The following EXOC4 variants were observed in gnomAD, a reference collection of about 807,000 sequenced individuals.
The protein encoded by EXOC4 is exocyst complex component 4.
A neutral mutation model predicts 107.2 loss-of-function variants in EXOC4; 71 were observed. The ratio of observed to expected loss-of-function variants is 0.66; its 90% CI spans 0.55 to 0.81. The LOEUF is 0.81. EXOC4 is among the 30% of genes least tolerant of loss of function. EXOC4 has a pLI of 0.00. For synonymous variants in EXOC4, 456 were observed against 441.2 expected (o/e 1.03, Z -0.42); for missense variants, 1,108 against 1,189.6 (o/e 0.93, Z 1.01).
intron 7 of EXOC4, among the ~76,000 whole-genome samples, chr7:133,402,881 ATTTTTTTTTT>A (rs956173651): frequency 8.7e-6 from 1 of 114,932 alleles, no homozygotes; most frequent in Non-Finnish European, 1.8e-5. Context: ...AGAGCCTAAT[ATTTTTTTTTT>A]TTTTTTTTTT....
intron 10 of EXOC4, among the ~76,000 whole-genome samples, chr7:133,754,345 A>T (rs908795613): frequency 2.6e-5 from 4 of 152,226 alleles, no homozygotes; most frequent in Non-Finnish European, 4.4e-5. Flanking sequence ...GAGGTCCCAA[A>T]CAAAAACTGA....
At chr7:133,685,600 A>G (rs1585078000) in intron 10 of EXOC4, among the ~76,000 whole-genome samples, 1 of 152,238 alleles carries the variant, frequency 6.6e-6, no homozygotes, top group Non-Finnish European at 1.5e-5. Context: ...TCAAATGTCT[A>G]TGTTTTAAAC....
intron 9 of EXOC4, among the ~76,000 whole-genome samples, chr7:133,625,080 G>A (rs1198692546): frequency 6.6e-6 from 1 of 152,166 alleles, no homozygotes; most frequent in East Asian, 1.9e-4. Flanking sequence ...AGGCAAGCAT[G>A]TTTTACACAT....
At chr7:133,880,431 A>G (rs1798941249) in intron 11 of EXOC4, among the ~76,000 whole-genome samples, 1 of 152,110 alleles carries the variant, frequency 6.6e-6, no homozygotes, top group Non-Finnish European at 1.5e-5. Context: ...TGTTGGGGAT[A>G]TTTCTTATAA....
the EXOC4 span, among the ~76,000 whole-genome samples, chr7:134,081,475 G>C: frequency 6.6e-6 from 1 of 152,096 alleles, no homozygotes; most frequent in African/African-American, 2.4e-5. Context: ...TCATTAATTT[G>C]ATTATTGTTT....
At chr7:133,480,277 A>G (rs1455652408) in intron 9 of EXOC4, 139 bp downstream of exon 9, 1 of 1,481,864 alleles carries the variant, frequency 6.7e-7, no homozygotes, top group African/African-American at 1.4e-5. Flanking sequence ...TTTCTTCTGT[A>G]ATTTCCCAGC....
intron 9 of EXOC4, among the ~76,000 whole-genome samples, chr7:133,487,403 G>A (rs529960858): frequency 1.3e-5 from 2 of 152,230 alleles, no homozygotes; most frequent in Admixed American, 1.3e-4. Flanking sequence ...ATATTATATG[G>A]TTTTTTAAAA....
intron 15 of EXOC4, among the ~76,000 whole-genome samples, chr7:134,001,786 C>T (rs1197584326): frequency 6.6e-6 from 1 of 152,226 alleles, no homozygotes; most frequent in Non-Finnish European, 1.5e-5. Context: ...CTGACCTGGC[C>T]TGTGCCCATC....
intron 10 of EXOC4, among the ~76,000 whole-genome samples, chr7:133,641,481 C>T (rs962438488): frequency 6.6e-6 from 1 of 152,118 alleles, no homozygotes; most frequent in Non-Finnish European, 1.5e-5. Context: ...CAAACACACA[C>T]ACTCATTGCC....
At chr7:133,620,164 A>G (rs1177651173) in intron 9 of EXOC4, among the ~76,000 whole-genome samples, 1 of 152,022 alleles carries the variant, frequency 6.6e-6, no homozygotes, top group African/African-American at 2.4e-5. Context: ...CTGGGACCAC[A>G]AGCGTGCATC....
At chr7:133,513,361 C>A (rs928118373) in intron 9 of EXOC4, among the ~76,000 whole-genome samples, 1 of 152,112 alleles carries the variant, frequency 6.6e-6, no homozygotes, top group African/African-American at 2.4e-5. Context: ...AGCCACCACA[C>A]CCGGCTTGAT....
intron 9 of EXOC4, among the ~76,000 whole-genome samples, chr7:133,550,807 C>T (rs1800572890): frequency 6.6e-6 from 1 of 151,970 alleles, no homozygotes; most frequent in Admixed American, 6.6e-5. Context: ...ATTTATTCAG[C>T]AAAACACTAA....
chr7:133,319,876 G>T (rs999239593), intron 5 of EXOC4, among the ~76,000 whole-genome samples: 3 of 79,982 alleles, frequency 3.8e-5, no homozygotes, highest in Middle Eastern at 0.011. Context: ...GACCAAAAAA[G>T]AAGGTAAAAA....
intron 13 of EXOC4, among the ~76,000 whole-genome samples, chr7:133,937,557 A>G (rs914184873): frequency 1.3e-5 from 2 of 152,256 alleles, no homozygotes; most frequent in African/African-American, 4.8e-5. Flanking sequence ...ATCAACTTCT[A>G]TAGCATAAGA....
intron 10 of EXOC4, among the ~76,000 whole-genome samples, chr7:133,654,850 T>C (rs2430767): frequency 0.99 from 150,223 of 152,278 alleles, 74,140 homozygotes; most frequent in Middle Eastern, 1. Flanking sequence ...AGCAGGTTAC[T>C]GTTCTGAACA....
chr7:133,423,397 T>C (rs988493072), intron 7 of EXOC4, among the ~76,000 whole-genome samples: 1 of 152,222 alleles, frequency 6.6e-6, no homozygotes, highest in Non-Finnish European at 1.5e-5. Context: ...TCGTCTTTTG[T>C]CCTCACTTTA....
At chr7:133,970,617 C>T (rs954142961) in intron 14 of EXOC4, among the ~76,000 whole-genome samples, 8 of 152,182 alleles carry the variant, frequency 5.3e-5, no homozygotes, top group South Asian at 2.1e-4. Context: ...CGACTCCTTG[C>T]GCTTCCTGGT....
intron 10 of EXOC4, among the ~76,000 whole-genome samples, chr7:133,637,616 T>TC (rs1382600939): frequency 6.6e-6 from 1 of 152,094 alleles, no homozygotes; most frequent in East Asian, 1.9e-4. Flanking sequence ...CAGCCATTTT[T>TC]CCCCCTATGC....
At chr7:134,088,746 A>G in the EXOC4 span, among the ~76,000 whole-genome samples, 62 of 152,292 alleles carry the variant, frequency 4.1e-4, no homozygotes, top group Middle Eastern at 3.4e-3. Context: ...TTGTTTTTGC[A>G]TGACAAAAGG....
Sources: allele counts gnomAD v4.1 joint callset (sites outside exome capture counted in the v4.1 genomes callset), GRCh38; gene constraint gnomAD v4.1.1; transcripts MANE v1.5; gene names NCBI Gene and HGNC (gene_info 2026-07-23, HGNC 2026-07-21).